The following TXN variants were observed in gnomAD, a reference collection of about 807,000 sequenced individuals.
The protein encoded by TXN is ADF.
In TXN, 10 loss-of-function variants were observed where a neutral mutation model predicts 16.5. The observed-to-expected ratio is 0.61, with a 90% CI of 0.37 to 1.03. The LOEUF is 1.03. Ranked by LOEUF, TXN falls within the 50% of genes least tolerant of loss-of-function variation. The probability of loss-of-function intolerance (pLI) is 0.01; values close to 1 mark genes in which losing one functional copy is unlikely to be tolerated. For synonymous variants in TXN, 35 were observed against 39.4 expected (o/e 0.89, Z 0.42); for missense variants, 71 against 122.5 (o/e 0.58, Z 1.98).
chr9:110,248,420 T>C (rs749751882), intron 3 of TXN, among the ~76,000 whole-genome samples: 12 of 152,182 alleles, frequency 7.9e-5, no homozygotes, highest in Non-Finnish European at 1.6e-4. Flanking sequence ...CTTACTGTTG[T>C]GTTATAACTG....
chr9:110,245,644 ATATATATATATTTTTTTT>A lies in TXN; in HGVS notation c.190-819_190-802del, dbSNP rs1456337153. 2.5e-4 allele frequency among the ~76,000 whole-genome samples: 7 copies of A among 27,606 alleles called. 1 individual carries two copies. The highest frequency in any genetic ancestry group is 1.4e-3 in the Admixed American group (3 of 2,216). The allele number at this position is 27,606 out of a possible 152,430, so 18.1% of individuals were successfully genotyped here. ...TATATATATATATATATATATATAT[ATATATATATATTTTTTTT>A]TTTTTTTTTTTATAGGGACAAGGTC... is the stretch of plus-strand genomic sequence containing the variant. On this transcript the variant is annotated intron_variant, in intron 3 of 4. Transcript: ENST00000374517.
In TXN at chr9:110,250,817, T is replaced by C; in HGVS notation, c.189+3A>G. On this transcript the variant is annotated splice_donor_region_variant and intron_variant, in intron 3 of 4. Transcript: ENST00000374517. The stretch of plus-strand genomic sequence containing the variant: ...GCAGTATCTCATATTTCCAGCTACA[T>C]ACCTGACAGTCATCCACATCTACTT... The C allele has an allele frequency of 2.5e-6, 4 of 1,608,004 alleles. No individual in the cohort carries two copies. The highest frequency in any genetic ancestry group is 3.4e-6 in the Non-Finnish European group (4 of 1,176,574).
At chr9:110,246,433 A>T (rs1188976788) in intron 3 of TXN, among the ~76,000 whole-genome samples, 1 of 152,178 alleles carries the variant, frequency 6.6e-6, no homozygotes, top group East Asian at 1.9e-4. Context: ...TAAGAGGGCA[A>T]GGTTTGGAGG....
intron 1 of TXN, among the ~76,000 whole-genome samples, chr9:110,251,762 T>C (rs922647686): frequency 2.6e-5 from 4 of 152,216 alleles, no homozygotes; most frequent in Middle Eastern, 3.4e-3. Flanking sequence ...GGCTATTTTT[T>C]CTCTACACCA....
chr9:110,245,620 A>C (rs1354138216), intron 3 of TXN, among the ~76,000 whole-genome samples: 6 of 19,254 alleles, frequency 3.1e-4, no homozygotes, highest in Admixed American at 1.3e-3. Flanking sequence ...CACACACACT[A>C]TATATATATA....
At chr9:110,255,226 T>G (rs1163600203) in intron 1 of TXN, among the ~76,000 whole-genome samples, 2 of 152,068 alleles carry the variant, frequency 1.3e-5, no homozygotes, top group East Asian at 3.9e-4. Context: ...TTCCCGCAGG[T>G]AGGGAGGGGT....
chr9:110,250,823 A>G lies in TXN; in HGVS notation c.186T>C (p.Cys62=). ...VIFLEVDVDD[C]QDVASECEVK... ...TCTCATATTTCCAGCTACATACCTG[A>G]CAGTCATCCACATCTACTTCAAGGA... Residue 62 remains cysteine, a synonymous_variant, in exon 3 of 5, where the codon TGT becomes TGC. Coordinates refer to ENST00000374517, the MANE Select transcript of TXN (RefSeq NM_003329.4). 6.2e-7 allele frequency: 1 copy of G among 1,608,718 alleles called. No homozygotes were observed. The highest frequency in any genetic ancestry group is 8.5e-7 in the Non-Finnish European group (1 of 1,177,686).
chr9:110,251,475 G>C lies in TXN; in HGVS notation c.25-13C>G. 2 of 1,493,328 alleles carry C rather than the reference G, an allele frequency of 1.3e-6. No homozygotes were observed. Among genetic ancestry groups the C allele is most frequent in the Non-Finnish European group, 1.8e-6 (2 of 1,087,574 alleles). 92.5% of individuals were successfully genotyped at this position (1,493,328 alleles called of 1,614,324 possible). A position where few individuals can be genotyped will look rare whatever the true frequency, so the allele number is the denominator to read the frequency against. ...CCTGAAAAGCAGTCTAACAGCAAAA[G>C]AAAAGCTTATATTAAATAAATAGTT... On this transcript the variant is annotated splice_polypyrimidine_tract_variant and intron_variant, in intron 1 of 4. Coordinates refer to ENST00000374517, the MANE Select transcript of TXN (RefSeq NM_003329.4).
chr9:110,247,864 G>A (rs1373423280), intron 3 of TXN, among the ~76,000 whole-genome samples: 1 of 152,162 alleles, frequency 6.6e-6, no homozygotes, highest in Non-Finnish European at 1.5e-5. Context: ...AGAAGGCACT[G>A]TTATCATAGG....
In TXN at chr9:110,251,480, G is replaced by A. The variant is rs1389429813; in HGVS notation, c.25-18C>T. 7.0e-7 allele frequency: 1 copy of A among 1,436,218 alleles called. No homozygotes were observed. The highest frequency in any genetic ancestry group is 1.8e-5 in the Admixed American group (1 of 55,492). 89.0% of individuals were successfully genotyped at this position (1,436,218 alleles called of 1,614,324 possible). A position where few individuals can be genotyped will look rare whatever the true frequency, so the allele number is the denominator to read the frequency against. ...AAAGCAGTCTAACAGCAAAAGAAAA[G>A]CTTATATTAAATAAATAGTTAAATA... On this transcript the variant is annotated intron_variant, in intron 1 of 4. Coordinates refer to ENST00000374517, the MANE Select transcript of TXN (RefSeq NM_003329.4).
At chr9:110,248,925 C>T (rs957506676) in intron 3 of TXN, among the ~76,000 whole-genome samples, 2 of 151,636 alleles carry the variant, frequency 1.3e-5, no homozygotes, top group Admixed American at 6.6e-5. Flanking sequence ...CCAGCCTGAC[C>T]AACATGGTGA....
chr9:110,252,223 CAAAAAAA>C (rs377246017), intron 1 of TXN, among the ~76,000 whole-genome samples: 3 of 58,418 alleles, frequency 5.1e-5, no homozygotes, highest in Non-Finnish European at 5.8e-5. Context: ...GACTCTGTCG[CAAAAAAA>C]AAAAAAAAAA....
At chr9:110,252,819 A>AT (rs1488312231) in intron 1 of TXN, among the ~76,000 whole-genome samples, 2 of 152,092 alleles carry the variant, frequency 1.3e-5, no homozygotes, top group East Asian at 3.9e-4. Context: ...TAATTTTTGT[A>AT]TTTTTAGTAG....
chr9:110,245,652 A>ATT (rs1277293432), intron 3 of TXN, among the ~76,000 whole-genome samples: 97 of 23,662 alleles, frequency 4.1e-3, no homozygotes, highest in African/African-American at 0.019. Context: ...ATATATATAT[A>ATT]TATTTTTTTT....
intron 1 of TXN, among the ~76,000 whole-genome samples, chr9:110,254,909 T>C (rs965551950): frequency 2.6e-5 from 4 of 152,110 alleles, no homozygotes; most frequent in African/African-American, 9.7e-5. Flanking sequence ...TCCCCAGGAA[T>C]GGATTAATAA....
Position 110,244,893 on chromosome 9 carries a change from A to G in TXN, c.190-50T>C, listed in dbSNP as rs546499042. On this transcript the variant is annotated intron_variant, in intron 3 of 4. Transcript: ENST00000374517. ...GAGGATTAAATACAAGACTGCGAGT[A>G]CTGAGCTTTGACAGAAGTAATCCAA... 4 of 1,500,710 alleles carry G rather than the reference A, an allele frequency of 2.7e-6. No individual in the cohort carries two copies. The South Asian group carries it at 4.5e-5, about 17-fold the overall frequency. 93.0% of individuals were successfully genotyped at this position (1,500,710 alleles called of 1,614,324 possible). A position where few individuals can be genotyped will look rare whatever the true frequency, so the allele number is the denominator to read the frequency against.
At chr9:110,255,323 CAA>C (rs1195286827) in intron 1 of TXN, among the ~76,000 whole-genome samples, 1 of 152,232 alleles carries the variant, frequency 6.6e-6, no homozygotes, top group East Asian at 1.9e-4. Flanking sequence ...CTGCATTTAA[CAA>C]ATATTTCTGG....
intron 1 of TXN, among the ~76,000 whole-genome samples, chr9:110,253,172 GA>G (rs1266145266): frequency 7.2e-6 from 1 of 138,234 alleles, no homozygotes; most frequent in Non-Finnish European, 1.6e-5. Flanking sequence ...AACCCAACAA[GA>G]AAACACTAAT....
chr9:110,254,854 T>G (rs558811529), intron 1 of TXN, among the ~76,000 whole-genome samples: 1 of 152,322 alleles, frequency 6.6e-6, no homozygotes, highest in African/African-American at 2.4e-5. Context: ...TGGGTTATAC[T>G]GAGGTTGCCA....
Sources: gnomAD v4.1 joint callset for allele counts (sites outside exome capture counted in the v4.1 genomes callset) on GRCh38, gnomAD v4.1.1 for gene constraint, MANE v1.5 for transcripts, NCBI Gene and HGNC (gene_info 2026-07-23, HGNC 2026-07-21) for gene names.